The following OR2L13 variants were observed in gnomAD, a reference collection of about 807,000 sequenced individuals.
OR2L13 encodes the protein olfactory receptor family 2 subfamily L member 13.
A neutral mutation model predicts 15.3 loss-of-function variants in OR2L13; 14 were observed. The observed-to-expected ratio is 0.91, with a 90% CI of 0.60 to 1.43. The LOEUF is 1.43. Among genes scored for constraint, OR2L13 ranks in the 40% most tolerant of loss-of-function variants. The pLI, the probability that OR2L13 is intolerant of heterozygous loss-of-function variation, is 0.00. For missense variants in OR2L13, 367 were observed against 387.9 expected, an observed-to-expected ratio of 0.95 and a Z score of 0.45; for synonymous variants, 152 against 142.9, an observed-to-expected ratio of 1.06 and a Z score of -0.45.
At chr1:248,091,854 T>C (rs1384608047), upstream of OR2L13, among the ~76,000 whole-genome samples, 1 of 152,216 alleles carries the variant, frequency 6.6e-6, no homozygotes, top group African/African-American at 2.4e-5. Flanking sequence ...GACCTAGGAA[T>C]AGCATTGAAT....
chr1:247,949,186 A>G, the OR2L13 span: 1 of 1,614,192 alleles, frequency 6.2e-7, no homozygotes, highest in Non-Finnish European at 8.5e-7. Flanking sequence ...GGAGGTGCAG[A>G]AGCACTACTT....
the OR2L13 span, among the ~76,000 whole-genome samples, chr1:247,982,344 C>T: frequency 6.6e-6 from 1 of 152,102 alleles, no homozygotes; most frequent in Non-Finnish European, 1.5e-5. Context: ...TTCAGTTACT[C>T]TTTCTGATAA....
At chr1:248,023,033 G>A in the OR2L13 span, 2 of 714,526 alleles carry the variant, frequency 2.8e-6, no homozygotes, top group East Asian at 2.8e-5. Flanking sequence ...TGACATTATA[G>A]TTGCATATTC....
the OR2L13 span, among the ~76,000 whole-genome samples, chr1:248,007,581 G>T: frequency 6.6e-6 from 1 of 152,200 alleles, no homozygotes; most frequent in Non-Finnish European, 1.5e-5. Flanking sequence ...CCTTGGTGGG[G>T]AAGTTAATGA....
chr1:248,068,608 A>C, the OR2L13 span, among the ~76,000 whole-genome samples: 1 of 152,248 alleles, frequency 6.6e-6, no homozygotes, highest in Non-Finnish European at 1.5e-5. Context: ...CCTCACCAGC[A>C]ACGGAACAAA....
At chr1:248,034,042 C>CA in the OR2L13 span, among the ~76,000 whole-genome samples, 10 of 152,006 alleles carry the variant, frequency 6.6e-5, no homozygotes, top group African/African-American at 2.4e-4. Flanking sequence ...TTTCAGGATA[C>CA]AAAATTAATG....
At chr1:248,031,308 A>G in the OR2L13 span, among the ~76,000 whole-genome samples, 6 of 152,220 alleles carry the variant, frequency 3.9e-5, no homozygotes, top group African/African-American at 1.4e-4. Flanking sequence ...AAGAGATGCT[A>G]CATTGGTGTT....
chr1:247,965,330 A>T, the OR2L13 span: 1 of 1,549,738 alleles, frequency 6.5e-7, no homozygotes, highest in African/African-American at 1.4e-5. Flanking sequence ...CAACATTATT[A>T]CATGAACATT....
chr1:247,949,606 A>G, the OR2L13 span: 29 of 1,613,836 alleles, frequency 1.8e-5, no homozygotes, highest in South Asian at 1.1e-4. Context: ...GTAACTTTCT[A>G]CTATGCACCT....
the OR2L13 span, among the ~76,000 whole-genome samples, chr1:247,946,673 TC>T: frequency 2.0e-5 from 3 of 152,168 alleles, no homozygotes; most frequent in African/African-American, 4.8e-5. Context: ...GATTTCTATA[TC>T]CCAAATAGCA....
the OR2L13 span, among the ~76,000 whole-genome samples, chr1:247,954,121 G>A: frequency 2.0e-5 from 3 of 152,038 alleles, no homozygotes; most frequent in African/African-American, 7.2e-5. Flanking sequence ...CTATACCTGG[G>A]CAGAAAGCTC....
the OR2L13 span, among the ~76,000 whole-genome samples, chr1:248,078,468 TCA>T: frequency 4.0e-5 from 6 of 149,622 alleles, no homozygotes; most frequent in Non-Finnish European, 6.0e-5. Flanking sequence ...CGAGACTCCA[TCA>T]CACACACACA....
chr1:248,019,017 C>T, the OR2L13 span, among the ~76,000 whole-genome samples: 2,383 of 152,138 alleles, frequency 0.016, 22 homozygotes, highest in Non-Finnish European at 0.021. Context: ...TGTATGTACT[C>T]ACTACATTTT....
At chr1:247,960,901 C>A in the OR2L13 span, among the ~76,000 whole-genome samples, 1 of 152,172 alleles carries the variant, frequency 6.6e-6, no homozygotes, top group Admixed American at 6.5e-5. Flanking sequence ...TGAGGCCATG[C>A]CTTGCCCTGC....
chr1:247,958,237 T>A, the OR2L13 span, among the ~76,000 whole-genome samples: 4 of 152,200 alleles, frequency 2.6e-5, no homozygotes. Flanking sequence ...TCAGTTTCCA[T>A]GTAGTTGAGC....
chr1:247,955,367 G>A, the OR2L13 span, among the ~76,000 whole-genome samples: 754 of 151,386 alleles, frequency 5.0e-3, 21 homozygotes, highest in East Asian at 0.018. Context: ...ATTTGGGTTG[G>A]TTCCAAGTCT....
the OR2L13 span, chr1:248,003,301 C>T: frequency 5.4e-5 from 86 of 1,582,632 alleles, no homozygotes; most frequent in African/African-American, 9.3e-4. Context: ...TCCACACACC[C>T]ATGTGTTTCC....
chr1:248,034,937 A>G, the OR2L13 span, among the ~76,000 whole-genome samples: 1 of 152,196 alleles, frequency 6.6e-6, no homozygotes, highest in Non-Finnish European at 1.5e-5. Context: ...ATTATTTATA[A>G]CAGTTTTCTT....
the OR2L13 span, chr1:247,991,188 C>G: frequency 1.9e-6 from 3 of 1,595,186 alleles, no homozygotes; most frequent in South Asian, 1.1e-5. Context: ...TTCAGAAAAT[C>G]TTTTCAGTGA....
Sources: allele counts gnomAD v4.1 joint callset (sites outside exome capture counted in the v4.1 genomes callset), GRCh38; gene constraint gnomAD v4.1.1; transcripts MANE v1.5; gene names NCBI Gene and HGNC (gene_info 2026-07-23, HGNC 2026-07-21).